The following AGBL4 variants were observed in gnomAD, a reference collection of about 807,000 sequenced individuals.
AGBL4 encodes the protein cytosolic carboxypeptidase 6.
In AGBL4, 58 loss-of-function variants were observed where a neutral mutation model predicts 66.4. That is an observed-to-expected ratio of 0.87 (90% CI 0.71 to 1.09). AGBL4 has a LOEUF of 1.09. AGBL4 is among the 50% of genes least tolerant of loss of function. AGBL4 has a pLI of 0.00. For missense variants in AGBL4, 579 were observed against 631.0 expected, an observed-to-expected ratio of 0.92 and a Z score of 0.88; for synonymous variants, 234 against 222.9, an observed-to-expected ratio of 1.05 and a Z score of -0.44.
At chr1:48,732,408 G>A (rs1204997717) in intron 6 of AGBL4, among the ~76,000 whole-genome samples, 1 of 152,172 alleles carries the variant, frequency 6.6e-6, no homozygotes, top group Non-Finnish European at 1.5e-5. Context: ...CTTACTATAG[G>A]CTAGCCCTGA....
At chr1:49,414,368 T>A (rs1645382307) in intron 3 of AGBL4, among the ~76,000 whole-genome samples, 1 of 152,208 alleles carries the variant, frequency 6.6e-6, no homozygotes, top group Non-Finnish European at 1.5e-5. Flanking sequence ...TTAGCTGTAT[T>A]GTTAATCATG....
chr1:49,449,401 G>A (rs1646229015), intron 3 of AGBL4, among the ~76,000 whole-genome samples: 1 of 152,046 alleles, frequency 6.6e-6, no homozygotes, highest in Non-Finnish European at 1.5e-5. Context: ...TTGATATGAG[G>A]TTTTTAAAAT....
At chr1:49,569,411 T>TG (rs1348954825) in intron 3 of AGBL4, among the ~76,000 whole-genome samples, 1 of 152,162 alleles carries the variant, frequency 6.6e-6, no homozygotes, top group African/African-American at 2.4e-5. Flanking sequence ...CTTGAGGAGA[T>TG]GGATACCCTA....
intron 6 of AGBL4, among the ~76,000 whole-genome samples, chr1:48,697,690 C>A (rs1255551444): frequency 6.6e-6 from 1 of 152,144 alleles, no homozygotes; most frequent in African/African-American, 2.4e-5. Context: ...CCTGAAATCA[C>A]ACTATGTAAC....
At chr1:49,371,832 T>C (rs1644352386) in intron 3 of AGBL4, among the ~76,000 whole-genome samples, 1 of 143,480 alleles carries the variant, frequency 7.0e-6, no homozygotes, top group African/African-American at 2.6e-5. Flanking sequence ...TGTGTGTGTG[T>C]GTGTGTGTGT....
chr1:49,712,808 G>A (rs1428720031), intron 2 of AGBL4, among the ~76,000 whole-genome samples: 1 of 151,886 alleles, frequency 6.6e-6, no homozygotes, highest in Non-Finnish European at 1.5e-5. Flanking sequence ...GTTATCTTGA[G>A]TATGTTTCTT....
intron 2 of AGBL4, among the ~76,000 whole-genome samples, chr1:49,827,262 T>C (rs1471174596): frequency 6.6e-6 from 1 of 151,578 alleles, no homozygotes; most frequent in Non-Finnish European, 1.5e-5. Context: ...ACCCAAAAAG[T>C]AGAGTAATAA....
chr1:49,523,866 A>G (rs1216483028), intron 3 of AGBL4, among the ~76,000 whole-genome samples: 1 of 152,122 alleles, frequency 6.6e-6, no homozygotes, highest in Non-Finnish European at 1.5e-5. Flanking sequence ...CTGTCTTTCC[A>G]ATATCTATAC....
At chr1:48,982,593 G>A (rs549295473) in intron 5 of AGBL4, among the ~76,000 whole-genome samples, 1 of 152,166 alleles carries the variant, frequency 6.6e-6, no homozygotes, top group African/African-American at 2.4e-5. Context: ...TCTTAATCCA[G>A]TCTATCATTG....
At chr1:48,565,453 G>C (rs1020329858) in intron 11 of AGBL4, among the ~76,000 whole-genome samples, 1 of 152,174 alleles carries the variant, frequency 6.6e-6, no homozygotes, top group Non-Finnish European at 1.5e-5. Context: ...CTTGTTTCTA[G>C]TATCTACCCC....
chr1:48,891,679 T>C (rs757332519), intron 5 of AGBL4, among the ~76,000 whole-genome samples: 1 of 152,208 alleles, frequency 6.6e-6, no homozygotes, highest in South Asian at 2.1e-4. Context: ...GACAACTCAC[T>C]GGTCAGGCAG....
chr1:49,327,946 C>CA (rs1440130144), intron 3 of AGBL4, among the ~76,000 whole-genome samples: 2 of 152,090 alleles, frequency 1.3e-5, no homozygotes, highest in Non-Finnish European at 2.9e-5. Context: ...GTTTTAAGGA[C>CA]AGGGTTCCCT....
intron 5 of AGBL4, among the ~76,000 whole-genome samples, chr1:48,959,143 T>A (rs899300641): frequency 5.3e-5 from 8 of 152,204 alleles, no homozygotes; most frequent in African/African-American, 1.9e-4. Flanking sequence ...TGACATGGAT[T>A]ATATTGCTAA....
At chr1:48,609,205 C>T (rs1645199257) in intron 9 of AGBL4, among the ~76,000 whole-genome samples, 1 of 152,188 alleles carries the variant, frequency 6.6e-6, no homozygotes, top group Non-Finnish European at 1.5e-5. Context: ...ATCCTCTATG[C>T]ATGGCTGGAA....
intron 3 of AGBL4, among the ~76,000 whole-genome samples, chr1:49,542,752 G>A (rs1219454500): frequency 6.6e-6 from 1 of 151,810 alleles, no homozygotes; most frequent in Non-Finnish European, 1.5e-5. Context: ...ACAAAAATTA[G>A]CTGGGTATGG....
chr1:49,975,299 A>T (rs1213566202), intron 1 of AGBL4, among the ~76,000 whole-genome samples: 1 of 152,206 alleles, frequency 6.6e-6, no homozygotes. Context: ...ATAAAATCTC[A>T]TACAAACTCT....
chr1:49,452,500 C>T (rs1337036661), intron 3 of AGBL4, among the ~76,000 whole-genome samples: 1 of 151,888 alleles, frequency 6.6e-6, no homozygotes, highest in African/African-American at 2.4e-5. Context: ...CCACACCCAC[C>T]TGATGATTAC....
At chr1:49,316,799 A>G (rs533186797) in intron 3 of AGBL4, among the ~76,000 whole-genome samples, 1 of 152,022 alleles carries the variant, frequency 6.6e-6, no homozygotes, top group East Asian at 1.9e-4. Context: ...TAATCATGAT[A>G]AATACAAAAA....
At chr1:49,755,557 T>C (rs1296181935) in intron 2 of AGBL4, among the ~76,000 whole-genome samples, 1 of 152,218 alleles carries the variant, frequency 6.6e-6, no homozygotes, top group Non-Finnish European at 1.5e-5. Context: ...TTAGTTTTTC[T>C]TAAATAATCA....
Sources: allele counts gnomAD v4.1 joint callset (sites outside exome capture counted in the v4.1 genomes callset), GRCh38; gene constraint gnomAD v4.1.1; transcripts MANE v1.5; gene names NCBI Gene and HGNC (gene_info 2026-07-23, HGNC 2026-07-21).